The following CHSY3 variants were observed in gnomAD, a reference collection of about 807,000 sequenced individuals.
CHSY3 encodes the protein chondroitin sulfate synthase 3, also known as N-acetylgalactosaminyl-proteoglycan 3-beta-glucuronosyltransferase 3.
CHSY3 carries 35 observed loss-of-function variants against 67.2 expected under a neutral mutation model. That is an observed-to-expected ratio of 0.52 (90% CI 0.40 to 0.69). The LOEUF (loss-of-function observed/expected upper bound fraction) is 0.69, where lower values mean the gene tolerates loss of function less well. CHSY3 is among the 30% of genes least tolerant of loss of function. CHSY3 has a pLI of 0.00. For synonymous variants in CHSY3, 474 were observed against 434.7 expected (o/e 1.09, Z -1.12); for missense variants, 1,069 against 1,138.5 (o/e 0.94, Z 0.88).
chr5:130,119,256 T>C (rs1413392171), intron 2 of CHSY3, among the ~76,000 whole-genome samples: 1 of 152,192 alleles, frequency 6.6e-6, no homozygotes, highest in Non-Finnish European at 1.5e-5. Context: ...CTCCTTCCTC[T>C]AGACTGCCTT....
chr5:129,954,818 A>C (rs913603421), intron 2 of CHSY3, among the ~76,000 whole-genome samples: 1 of 152,136 alleles, frequency 6.6e-6, no homozygotes, highest in Admixed American at 6.6e-5. Flanking sequence ...TGATTTTTGC[A>C]CATTGATTTT....
intron 2 of CHSY3, among the ~76,000 whole-genome samples, chr5:130,066,228 C>T (rs1369300001): frequency 6.6e-6 from 1 of 152,034 alleles, no homozygotes; most frequent in African/African-American, 2.4e-5. Flanking sequence ...TGACCAAAAT[C>T]ATCTATTATT....
At chr5:130,098,861 GA>G (rs1432551787) in intron 2 of CHSY3, among the ~76,000 whole-genome samples, 1 of 152,172 alleles carries the variant, frequency 6.6e-6, no homozygotes, top group Non-Finnish European at 1.5e-5. Flanking sequence ...TTTCAACTTT[GA>G]ATAATAGTTA....
At chr5:129,983,988 T>C (rs1469946842) in intron 2 of CHSY3, among the ~76,000 whole-genome samples, 1 of 152,134 alleles carries the variant, frequency 6.6e-6, no homozygotes, top group African/African-American at 2.4e-5. Flanking sequence ...AGGAGTGTTA[T>C]CTGATGATTA....
chr5:130,078,421 C>A (rs1766340343), intron 2 of CHSY3, among the ~76,000 whole-genome samples: 1 of 152,098 alleles, frequency 6.6e-6, no homozygotes, highest in African/African-American at 2.4e-5. Flanking sequence ...CCGGTCCCTG[C>A]AAAGCAGCTG....
chr5:130,019,055 C>T (rs948815068), intron 2 of CHSY3, among the ~76,000 whole-genome samples: 3 of 152,204 alleles, frequency 2.0e-5, no homozygotes, highest in Admixed American at 6.5e-5. Flanking sequence ...GCCTGCAGAA[C>T]CATGGGCTAA....
chr5:129,992,695 G>A (rs1010581785), intron 2 of CHSY3, among the ~76,000 whole-genome samples: 10 of 152,176 alleles, frequency 6.6e-5, no homozygotes, highest in African/African-American at 2.2e-4. Context: ...AATATATGAT[G>A]TGCTTTATGG....
intron 2 of CHSY3, among the ~76,000 whole-genome samples, chr5:129,958,557 G>T (rs1280327966): frequency 6.6e-6 from 1 of 152,092 alleles, no homozygotes; most frequent in Non-Finnish European, 1.5e-5. Flanking sequence ...GCAAGATGGG[G>T]TTTTGCTCTG....
Position 129,904,786 on chromosome 5 carries a change from G to C in CHSY3, c.-44G>C. The C allele has an allele frequency of 7.6e-7, 1 of 1,310,612 alleles. No homozygotes were observed. Among genetic ancestry groups the C allele is most frequent in the Non-Finnish European group, 9.7e-7 (1 of 1,030,670 alleles). 81.2% of individuals were successfully genotyped at this position (1,310,612 alleles called of 1,614,324 possible). On this transcript the variant is annotated 5_prime_UTR_variant, in exon 1 of 3. Transcript: ENST00000305031. ...GTGTGAGCCGGGGAAACCGCGTGCC[G>C]CGCCGCGACAGCCCAGCGAGCGTCC...
intron 2 of CHSY3, among the ~76,000 whole-genome samples, chr5:130,040,601 C>T (rs1246787235): frequency 6.6e-6 from 1 of 152,040 alleles, no homozygotes; most frequent in Non-Finnish European, 1.5e-5. Flanking sequence ...AATATTATGT[C>T]ATGTACAGCT....
At chr5:130,020,670 C>G (rs1379371817) in intron 2 of CHSY3, among the ~76,000 whole-genome samples, 2 of 151,718 alleles carry the variant, frequency 1.3e-5, no homozygotes, top group Non-Finnish European at 2.9e-5. Context: ...CCCAGACATT[C>G]AGAATCAGAG....
At chr5:129,985,575 A>G (rs952989343) in intron 2 of CHSY3, among the ~76,000 whole-genome samples, 6 of 151,796 alleles carry the variant, frequency 4.0e-5, no homozygotes, top group African/African-American at 1.2e-4. Context: ...TGTCATTGGT[A>G]GTTTGATAGG....
intron 2 of CHSY3, among the ~76,000 whole-genome samples, chr5:130,171,056 C>A (rs1256894785): frequency 2.0e-5 from 3 of 152,044 alleles, no homozygotes; most frequent in African/African-American, 7.2e-5. Flanking sequence ...AACTTGCAAA[C>A]GTAATATTCT....
chr5:130,156,848 G>C (rs1368379452), intron 2 of CHSY3, among the ~76,000 whole-genome samples: 3 of 152,164 alleles, frequency 2.0e-5, no homozygotes, highest in African/African-American at 7.2e-5. Context: ...TTTTTTAACA[G>C]CAAGAAAACA....
chr5:129,966,000 G>A (rs1387183995), intron 2 of CHSY3, among the ~76,000 whole-genome samples: 2 of 151,826 alleles, frequency 1.3e-5, no homozygotes, highest in Non-Finnish European at 2.9e-5. Context: ...GGTGAGGGGA[G>A]CTCTGTACAC....
chr5:130,074,119 G>A (rs1289461065), intron 2 of CHSY3, among the ~76,000 whole-genome samples: 1 of 151,834 alleles, frequency 6.6e-6, no homozygotes, highest in Admixed American at 6.6e-5. Flanking sequence ...CACCCAGGCT[G>A]GAGTGCAGTA....
chr5:129,958,695 T>C (rs1169966624), intron 2 of CHSY3, among the ~76,000 whole-genome samples: 4 of 152,032 alleles, frequency 2.6e-5, no homozygotes, highest in African/African-American at 9.7e-5. Context: ...CATGTCTGGC[T>C]ATTTATTTAT....
intron 2 of CHSY3, among the ~76,000 whole-genome samples, chr5:129,938,397 C>T (rs574917574): frequency 2.0e-5 from 3 of 152,348 alleles, no homozygotes; most frequent in African/African-American, 4.8e-5. Context: ...TTTCTACATC[C>T]AACTTGAATT....
At position 130,046,690 on chromosome 5, in the gene CHSY3, G is replaced by A. The variant is rs1296608407; in HGVS notation, c.1087-137539G>A. Among the ~76,000 whole-genome samples the A allele has an allele frequency of 2.0e-5, 3 of 152,044 alleles. No homozygotes were observed. The East Asian group carries it at 5.8e-4, about 29-fold the overall frequency. ...CAGGGAAACTAAACGTGGGGGCAGG[G>A]TATAAGGGCTCTTAAATAAATGCAT... is the stretch of plus-strand genomic sequence containing the variant. On this transcript the variant is annotated intron_variant, in intron 2 of 2. Transcript: ENST00000305031.
Sources: gnomAD v4.1 joint callset for allele counts (sites outside exome capture counted in the v4.1 genomes callset) on GRCh38, gnomAD v4.1.1 for gene constraint, MANE v1.5 for transcripts, NCBI Gene and HGNC (gene_info 2026-07-23, HGNC 2026-07-21) for gene names.